The following SLC52A1 variants were observed in gnomAD, a reference collection of about 807,000 sequenced individuals.
SLC52A1 encodes the protein solute carrier family 52, riboflavin transporter, member 1.
SLC52A1 carries 20 observed loss-of-function variants against 23.2 expected under a neutral mutation model. The observed-to-expected ratio is 0.86, with a 90% CI of 0.61 to 1.25. The LOEUF is 1.25. Among genes scored for constraint, SLC52A1 ranks in the 50% most tolerant of loss-of-function variants. SLC52A1 has a pLI of 0.00. For missense variants in SLC52A1, 528 were observed against 557.0 expected, an observed-to-expected ratio of 0.95 and a Z score of 0.52; for synonymous variants, 260 against 256.6, an observed-to-expected ratio of 1.01 and a Z score of -0.13.
chr17:5,038,287 G>C (rs931317213), upstream of SLC52A1, among the ~76,000 whole-genome samples: 1 of 151,964 alleles, frequency 6.6e-6, no homozygotes, highest in Non-Finnish European at 1.5e-5. Context: ...AGCTACTCAG[G>C]AGCCTGAGGT....
upstream of SLC52A1, among the ~76,000 whole-genome samples, chr17:5,036,017 C>T (rs372273436): frequency 2.0e-5 from 3 of 148,948 alleles, no homozygotes; most frequent in South Asian, 2.1e-4. Flanking sequence ...ACCTAGCTAC[C>T]GCCACGCTCA....
intron 1 of SLC52A1, among the ~76,000 whole-genome samples, chr17:5,040,529 T>G (rs749331171): frequency 3.5e-4 from 54 of 152,136 alleles, no homozygotes; most frequent in Non-Finnish European, 7.1e-4. Context: ...GATCTGTCAT[T>G]GTGGTTTCGA....
Position 5,033,105 on chromosome 17 carries a change from A to G in SLC52A1, c.1199T>C (p.Leu400Pro). Residue 400 changes from leucine to proline, a missense_variant, in exon 5 of 5, where the codon CTG becomes CCG. By Grantham distance (98) the Leu-to-Pro change is moderately conservative. Coordinates refer to ENST00000254853, the MANE Select transcript of SLC52A1 (RefSeq NM_017986.4). ...CAATGCCGGCCGACCCCCACCATGC[A>G]GCAGGGAGCTTGCAGCCACCTTCAC... ...SYVKVAASSL[L>P]HGGGRPALLA... is the part of the protein sequence containing the mutation. 6.2e-7 allele frequency: 1 copy of G among 1,613,830 alleles called. No homozygotes were observed. The highest frequency in any genetic ancestry group is 8.5e-7 in the Non-Finnish European group (1 of 1,180,020).
At position 5,033,740 on chromosome 17, in the gene SLC52A1, G is replaced by C. The variant is rs1376723778; in HGVS notation, c.749C>G (p.Ala250Gly). 6.2e-7 allele frequency: 1 copy of C among 1,614,104 alleles called. No individual in the cohort carries two copies. Among genetic ancestry groups the C allele is most frequent in the East Asian group, 2.2e-5 (1 of 44,888 alleles). ...GCTCGGTGGCTCCTGCAATGGCAAA[G>C]CCTCTTCTTCCTCCTTCTCTTCCTC... ...AEEEEKEEEE[A>G]LPLQEPPSQA... Residue 250 changes from alanine (A) to glycine (G), a missense_variant, in exon 3 of 5, where the codon GCT becomes GGT. By Grantham distance (60) the Ala-to-Gly change is moderately conservative. Coordinates refer to ENST00000254853, the MANE Select transcript of SLC52A1 (RefSeq NM_017986.4).
Position 5,034,163 on chromosome 17 carries a change from A to G in SLC52A1, c.326T>C (p.Leu109Pro). The change falls in exon 3 of 5, where the codon CTC becomes CCC. Residue 109 changes from leucine (L) to proline (P), a missense_variant. Physicochemically the swap from Leu to Pro is moderately conservative, Grantham distance 98. Transcript: ENST00000254853. ...CAGAGTTAGGAAGGCCACAGAGTGG[A>G]GCTGCCCTGCCACTGGGGCCACGTG... ...WHHVAPVAGQ[L>P]HSVAFLTLAL... 6.2e-7 allele frequency: 1 copy of G among 1,614,098 alleles called. No homozygotes were observed. The highest frequency in any genetic ancestry group is 2.2e-5 in the East Asian group (1 of 44,882).
chr17:5,033,831 A>G lies in SLC52A1; in HGVS notation c.658T>C (p.Ser220Pro). Residue 220 changes from serine (S) to proline (P), a missense_variant, in exon 3 of 5, where the codon TCA becomes CCA. By Grantham distance (74) the Ser-to-Pro change is moderately conservative. Coordinates refer to ENST00000254853, the MANE Select transcript of SLC52A1 (RefSeq NM_017986.4). ...CCCCCTGTGGTTACAGAGGGTAGTG[A>G]TGGCAACAGCAACAGGAGACCCCGG... is the stretch of plus-strand genomic sequence containing the variant. ...AFRGLLLLLP[S>P]LPSVTTGGSG... The G allele has an allele frequency of 1.9e-6, 3 of 1,614,216 alleles. No homozygotes were observed. The highest frequency in any genetic ancestry group is 2.2e-5 in the East Asian group (1 of 44,882).
chr17:5,042,180 C>T (rs556211797), intron 1 of SLC52A1, among the ~76,000 whole-genome samples: 1 of 152,330 alleles, frequency 6.6e-6, no homozygotes, highest in East Asian at 1.9e-4. Flanking sequence ...AGAGGGCGCA[C>T]ACAATCCCTG....
upstream of SLC52A1, among the ~76,000 whole-genome samples, chr17:5,035,944 T>G (rs1975445531): frequency 7.8e-6 from 1 of 128,886 alleles, no homozygotes; most frequent in Non-Finnish European, 1.6e-5. Context: ...GGCTTGGCAC[T>G]CCTGGGCTCA....
chr17:5,033,399 C>T lies in SLC52A1; in HGVS notation c.1011-15G>A. 6.2e-7 allele frequency: 1 copy of T among 1,614,020 alleles called. No homozygotes were observed. The highest frequency in any genetic ancestry group is 8.5e-7 in the Non-Finnish European group (1 of 1,179,958). The stretch of plus-strand genomic sequence containing the variant: ...CTGCCAGGGACCTGTTGGGGATGAG[C>T]AGAGACTCAGGGCTGGCTGTTCTGG... On this transcript the variant is annotated splice_polypyrimidine_tract_variant and intron_variant, in intron 3 of 4. Coordinates refer to ENST00000254853, the MANE Select transcript of SLC52A1 (RefSeq NM_017986.4).
At chr17:5,040,770 C>T (rs903122239) in intron 1 of SLC52A1, among the ~76,000 whole-genome samples, 1 of 151,914 alleles carries the variant, frequency 6.6e-6, no homozygotes, top group Admixed American at 6.6e-5. Flanking sequence ...CACCATAAAC[C>T]TATCATAACC....
chr17:5,041,563 C>T (rs190045819), intron 1 of SLC52A1, among the ~76,000 whole-genome samples: 4 of 151,582 alleles, frequency 2.6e-5, no homozygotes, highest in African/African-American at 7.3e-5. Flanking sequence ...CTGCAACCTC[C>T]GCTTCCTGGG....
At position 5,032,879 on chromosome 17, in the gene SLC52A1, G is replaced by T; in HGVS notation, c.*78C>A. The T allele has an allele frequency of 7.4e-7, 1 of 1,347,676 alleles. No individual in the cohort carries two copies. The highest frequency in any genetic ancestry group is 1.0e-6 in the Non-Finnish European group (1 of 959,268). 83.5% of individuals were successfully genotyped at this position (1,347,676 alleles called of 1,614,324 possible). On this transcript the variant is annotated 3_prime_UTR_variant, in exon 5 of 5. Coordinates refer to ENST00000254853, the MANE Select transcript of SLC52A1 (RefSeq NM_017986.4). Reference sequence around the variant, plus strand: ...TCCTGTGTTGGGGGAAGCCTGCCTGGGCCACAAGTAGTCAGGCACTGTGGC... The same window carrying T: ...TCCTGTGTTGGGGGAAGCCTGCCTGTGCCACAAGTAGTCAGGCACTGTGGC...
chr17:5,042,049 T>C (rs978590182), intron 1 of SLC52A1, among the ~76,000 whole-genome samples: 15 of 152,150 alleles, frequency 9.9e-5, no homozygotes, highest in African/African-American at 3.6e-4. Flanking sequence ...CAACTTCCAA[T>C]TTTTCACTGC....
chr17:5,033,724 C>T lies in SLC52A1; in HGVS notation c.765G>A (p.Glu255=), dbSNP rs1422371950. The change falls in exon 3 of 5, where the codon GAG becomes GAA. Residue 255 remains glutamate, a synonymous_variant. Transcript: ENST00000254853. ...KEEEEALPLQ[E]PPSQAAGTIP... is the part of the protein sequence containing the mutation. ...TGGTGCCTGCTGCCTGGCTCGGTGG[C>T]TCCTGCAATGGCAAAGCCTCTTCTT... 5.0e-6 allele frequency: 8 copies of T among 1,614,000 alleles called. No individual in the cohort carries two copies. The South Asian group carries it at 5.5e-5, about 11-fold the overall frequency.
intron 1 of SLC52A1, 29 bp from the exon 2 acceptor site, chr17:5,034,742 A>G (rs2143438122): frequency 1.6e-6 from 2 of 1,234,058 alleles, no homozygotes; most frequent in Non-Finnish European, 2.2e-6. Flanking sequence ...GCTGGCAGGT[A>G]ATAGGCTGGT....
At chr17:5,037,914 C>G (rs1479050583), upstream of SLC52A1, among the ~76,000 whole-genome samples, 7 of 40,020 alleles carry the variant, frequency 1.7e-4, no homozygotes, top group Non-Finnish European at 3.9e-4. Context: ...TTCTTCCTTC[C>G]TTTTTTTTTT....
intron 1 of SLC52A1, among the ~76,000 whole-genome samples, chr17:5,041,765 C>T (rs1443696055): frequency 2.6e-5 from 4 of 152,116 alleles, no homozygotes; most frequent in Non-Finnish European, 5.9e-5. Context: ...AGGTGTGAGC[C>T]ACCACACCCC....
Position 5,033,068 on chromosome 17 carries a change from A to G in SLC52A1, c.1236T>C (p.Gly412=). 1 of 1,613,718 alleles carries G rather than the reference A, an allele frequency of 6.2e-7. No individual in the cohort carries two copies. The highest frequency in any genetic ancestry group is 8.5e-7 in the Non-Finnish European group (1 of 1,180,002). The change falls in exon 5 of 5, where the codon GGT becomes GGC. Residue 412 remains glycine (G), a synonymous_variant. Transcript: ENST00000254853. ...GGGRPALLAA[G]VAIQVGSLLG... Reference sequence around the variant, plus strand: ...GCAGGGAGCCCACTTGGATGGCCACACCAGCTGCCAGCAATGCCGGCCGAC... The same window carrying G: ...GCAGGGAGCCCACTTGGATGGCCACGCCAGCTGCCAGCAATGCCGGCCGAC...
intron 1 of SLC52A1, 47 bp from the exon 2 acceptor site, chr17:5,034,760 A>T: frequency 9.6e-7 from 1 of 1,044,988 alleles, no homozygotes; most frequent in Non-Finnish European, 1.3e-6. Context: ...GGTGGGACAG[A>T]ACCGGAGTCA....
Sources: gnomAD v4.1 joint callset for allele counts (sites outside exome capture counted in the v4.1 genomes callset) on GRCh38, gnomAD v4.1.1 for gene constraint, MANE v1.5 for transcripts, NCBI Gene and HGNC (gene_info 2026-07-23, HGNC 2026-07-21) for gene names.